The following TCAIM variants were observed in gnomAD, a reference collection of about 807,000 sequenced individuals.
TCAIM encodes the protein T-cell activation inhibitor, mitochondrial.
TCAIM carries 36 observed loss-of-function variants against 58.6 expected under a neutral mutation model. The observed-to-expected ratio is 0.61, with a 90% CI of 0.47 to 0.81. The LOEUF (loss-of-function observed/expected upper bound fraction) is 0.81. TCAIM is among the 30% of genes least tolerant of loss of function. The probability of loss-of-function intolerance (pLI) is 0.00; values close to 1 mark genes in which losing one functional copy is unlikely to be tolerated. For missense variants in TCAIM, 466 were observed against 579.6 expected (o/e 0.80, Z 2.01); for synonymous variants, 172 against 193.6 (o/e 0.89, Z 0.93).
In TCAIM at chr3:44,385,952, C is replaced by A. The variant is rs558627601; in HGVS notation, c.573-6903C>A. Reference sequence around the variant, plus strand: ...CATTCTCTACAATTATTTTTTTTCTCTAGAGAAATGCTTACAAACAGTAGC... The same window carrying A: ...CATTCTCTACAATTATTTTTTTTCTATAGAGAAATGCTTACAAACAGTAGC... On this transcript the variant is annotated intron_variant, in intron 5 of 10. Transcript: ENST00000342649. Among the ~76,000 whole-genome samples, 11 of 151,986 alleles carry A rather than the reference C, an allele frequency of 7.2e-5. No individual in the cohort carries two copies. The South Asian group carries it at 2.3e-3, about 32-fold the overall frequency.
At chr3:44,396,991 G>A (rs1559583129) in intron 8 of TCAIM, among the ~76,000 whole-genome samples, 157 bp downstream of exon 8, 1 of 152,140 alleles carries the variant, frequency 6.6e-6, no homozygotes, top group Non-Finnish European at 1.5e-5. Flanking sequence ...CAGATCAGAT[G>A]CTTAAATACC....
rs914878036 is a variant in TCAIM, at chr3:44,366,729, G to A, written c.320-727G>A. On this transcript the variant is annotated intron_variant, in intron 4 of 10. Coordinates refer to ENST00000342649, the MANE Select transcript of TCAIM (RefSeq NM_173826.4). ...GATCCGCCCGCCTCGGCCTCCCAAA[G>A]TGCTGGGATTACAGGCATGAGCCAC... Among the ~76,000 whole-genome samples, 7 of 151,840 alleles carry A rather than the reference G, an allele frequency of 4.6e-5. No homozygotes were observed. In the East Asian group the frequency reaches 5.8e-4, roughly 13 times the overall value.
In TCAIM at chr3:44,407,493, T is replaced by C. The variant is rs1702118322; in HGVS notation, c.1302T>C (p.Ser434=). The C allele has an allele frequency of 6.2e-7, 1 of 1,611,684 alleles. No individual in the cohort carries two copies. Among genetic ancestry groups the C allele is most frequent in the Admixed American group, 1.7e-5 (1 of 59,816 alleles). The change falls in exon 11 of 11, where the codon TCT becomes TCC. Residue 434 remains serine, a synonymous_variant. Transcript: ENST00000342649. The part of the protein sequence containing the change: ...ELIQASTKKF[S]LEKLYKEPSI... ...TACAGGCATCAACAAAGAAATTTTCTTTGGAGAAGTTATATAAAGAGCCCA... is the reference window on the plus strand; with the variant it reads ...TACAGGCATCAACAAAGAAATTTTCCTTGGAGAAGTTATATAAAGAGCCCA...
chr3:44,380,594 A>G (rs1701640583), intron 5 of TCAIM, among the ~76,000 whole-genome samples: 1 of 152,122 alleles, frequency 6.6e-6, no homozygotes, highest in Non-Finnish European at 1.5e-5. Context: ...ATTAGAGAAA[A>G]AAGAATAAAC....
chr3:44,370,566 G>A (rs757692174), intron 5 of TCAIM, among the ~76,000 whole-genome samples: 11 of 151,190 alleles, frequency 7.3e-5, no homozygotes, highest in African/African-American at 9.7e-5. Context: ...TATCTTTACA[G>A]AAATTAAAGT....
intron 1 of TCAIM, among the ~76,000 whole-genome samples, chr3:44,344,533 A>G (rs950137648): frequency 5.9e-5 from 9 of 152,078 alleles, no homozygotes; most frequent in African/African-American, 2.2e-4. Flanking sequence ...CTATAACTTC[A>G]CATGGTAGGG....
intron 2 of TCAIM, among the ~76,000 whole-genome samples, chr3:44,356,550 A>T (rs1168430104): frequency 3.3e-5 from 5 of 151,886 alleles, no homozygotes; most frequent in African/African-American, 7.3e-5. Flanking sequence ...TGGAAAAGGT[A>T]AATTATAACA....
At chr3:44,353,212 C>T (rs922989599) in intron 1 of TCAIM, among the ~76,000 whole-genome samples, 5 of 145,452 alleles carry the variant, frequency 3.4e-5, no homozygotes, top group South Asian at 2.5e-4. Flanking sequence ...TGAGCCACCG[C>T]GCCTGGCCAA....
chr3:44,389,116 C>T (rs1229435711), intron 5 of TCAIM, among the ~76,000 whole-genome samples: 1 of 152,172 alleles, frequency 6.6e-6, no homozygotes, highest in Non-Finnish European at 1.5e-5. Flanking sequence ...ATGGTGAAGC[C>T]CCATCTCTGC....
At chr3:44,375,218 A>G (rs1701545963) in intron 5 of TCAIM, among the ~76,000 whole-genome samples, 2 of 152,122 alleles carry the variant, frequency 1.3e-5, no homozygotes, top group African/African-American at 4.8e-5. Flanking sequence ...GTCTTAGTCC[A>G]TTTTGCATTG....
intron 5 of TCAIM, among the ~76,000 whole-genome samples, chr3:44,384,374 T>C (rs1037942008): frequency 6.6e-6 from 1 of 152,348 alleles, no homozygotes; most frequent in East Asian, 1.9e-4. Flanking sequence ...ATGGTTTAAT[T>C]TATAGTCAAA....
intron 4 of TCAIM, among the ~76,000 whole-genome samples, chr3:44,363,466 A>G (rs1267710047): frequency 6.6e-6 from 1 of 152,236 alleles, no homozygotes; most frequent in African/African-American, 2.4e-5. Context: ...ACTAGAAATC[A>G]TTAATCAGCT....
chr3:44,395,939 A>G (rs995906518), intron 6 of TCAIM, among the ~76,000 whole-genome samples: 5 of 152,216 alleles, frequency 3.3e-5, no homozygotes, highest in African/African-American at 1.2e-4. Context: ...GTGAGCCGTG[A>G]TTACACCACT....
At position 44,367,545 on chromosome 3, in the gene TCAIM, C is replaced by T; in HGVS notation, c.409C>T (p.His137Tyr). The stretch of plus-strand genomic sequence containing the variant: ...CAACTCCTGCAGTTTATCTGTTGAA[C>T]ATATCCAAAGCTTGAATACTAATAT... ...ILNSCSLSVE[H>Y]IQSLNTNMHT... Residue 137 changes from histidine (H) to tyrosine (Y), a missense_variant, in exon 5 of 11, where the codon CAT (histidine) becomes TAT (tyrosine). Transcript: ENST00000342649. 1 of 1,614,106 alleles carries T rather than the reference C, an allele frequency of 6.2e-7. No homozygotes were observed.
rs554931657 is a variant in TCAIM at position 44,360,734 on chromosome 3, T to C, written c.166-631T>C. Reference sequence around the variant, plus strand: ...GATCCTCCTACCTCAGCCTCCTGAGTAGCTGGGACCACAAGCATGTACCAC... The same window carrying C: ...GATCCTCCTACCTCAGCCTCCTGAGCAGCTGGGACCACAAGCATGTACCAC... On this transcript the variant is annotated intron_variant, in intron 3 of 10. Coordinates refer to ENST00000342649, the MANE Select transcript of TCAIM (RefSeq NM_173826.4). Among the ~76,000 whole-genome samples, 17 of 151,914 alleles carry C rather than the reference T, an allele frequency of 1.1e-4. No homozygotes were observed. In the South Asian group the frequency reaches 3.5e-3, roughly 32 times the overall value.
chr3:44,338,716 C>T (rs11130025), upstream of TCAIM: 1 of 152,354 alleles, frequency 6.6e-6, no homozygotes, highest in South Asian at 2.1e-4. Context: ...GCTGACGCCC[C>T]AGTGCGCATG....
chr3:44,382,764 T>C (rs1701673137), intron 5 of TCAIM, among the ~76,000 whole-genome samples: 1 of 152,172 alleles, frequency 6.6e-6, no homozygotes, highest in African/African-American at 2.4e-5. Flanking sequence ...ATTTTTAAAG[T>C]TTGTGCACTA....
At chr3:44,360,153 C>T (rs73090425) in intron 3 of TCAIM, among the ~76,000 whole-genome samples, 27,506 of 152,010 alleles carry the variant, frequency 0.18, 2,731 homozygotes, top group Middle Eastern at 0.29. Flanking sequence ...CCTAGCATTC[C>T]GTCCCCTCTT....
intron 5 of TCAIM, among the ~76,000 whole-genome samples, chr3:44,378,667 C>T (rs1183325894): frequency 6.6e-6 from 1 of 151,448 alleles, no homozygotes; most frequent in Non-Finnish European, 1.5e-5. Context: ...AAAAATTAGC[C>T]AGGCATGGTG....
Sources: gnomAD v4.1 joint callset for allele counts (sites outside exome capture counted in the v4.1 genomes callset) on GRCh38, gnomAD v4.1.1 for gene constraint, MANE v1.5 for transcripts, NCBI Gene and HGNC (gene_info 2026-07-23, HGNC 2026-07-21) for gene names.